Variants in FAIM2 observed in about 807,000 individuals in gnomAD.
FAIM2 encodes the protein Fas apoptotic inhibitory molecule 2.
FAIM2 carries 27 observed loss-of-function variants against 47.4 expected under a neutral mutation model. That is an observed-to-expected ratio of 0.57 (90% CI 0.42 to 0.78). FAIM2 has a LOEUF of 0.78. Ranked by LOEUF, FAIM2 falls within the 30% of genes least tolerant of loss-of-function variation. The probability of loss-of-function intolerance (pLI) is 0.00; values close to 1 mark genes in which losing one functional copy is unlikely to be tolerated. For synonymous variants in FAIM2, 156 were observed against 159.3 expected, an observed-to-expected ratio of 0.98 and a Z score of 0.16; for missense variants, 311 against 389.4, an observed-to-expected ratio of 0.80 and a Z score of 1.69.
chr12:49,879,707 T>A (rs954690524), intron 11 of FAIM2, among the ~76,000 whole-genome samples: 7 of 145,510 alleles, frequency 4.8e-5, no homozygotes, highest in African/African-American at 1.5e-4. Context: ...TGCATGTGTG[T>A]GTGTGTGTAT....
chr12:49,890,032 G>C, intron 8 of FAIM2, 85 bp downstream of exon 8: 4 of 1,370,646 alleles, frequency 2.9e-6, no homozygotes, highest in Non-Finnish European at 4.2e-6. Flanking sequence ...TCCCATGTGT[G>C]TGGGGCAGCT....
intron 4 of FAIM2, 29 bp from the exon 5 acceptor site, chr12:49,897,113 G>A (rs905656876): frequency 6.4e-7 from 1 of 1,572,434 alleles, no homozygotes; most frequent in Non-Finnish European, 8.8e-7. Flanking sequence ...GGGAGAGAGA[G>A]TCAGAATGTA....
chr12:49,875,894 T>G (rs1946733277), intron 11 of FAIM2, among the ~76,000 whole-genome samples: 1 of 152,130 alleles, frequency 6.6e-6, no homozygotes, highest in Admixed American at 6.5e-5. Flanking sequence ...GAGAATCGCT[T>G]GAACCCGGGA....
intron 11 of FAIM2, among the ~76,000 whole-genome samples, chr12:49,879,242 ATGTGTGTGCATGTG>A (rs1946778339): frequency 8.0e-6 from 1 of 124,390 alleles, no homozygotes; most frequent in Non-Finnish European, 1.6e-5. Context: ...GTATGCATGC[ATGTGTGTGCATGTG>A]TGTATGTGTG....
chr12:49,890,559 G>T (rs1273618003), intron 7 of FAIM2, 124 bp downstream of exon 7: 15 of 879,402 alleles, frequency 1.7e-5, no homozygotes, highest in Admixed American at 1.5e-4. Context: ...AAACACCCCT[G>T]CCCCGCCAGG....
intron 5 of FAIM2, among the ~76,000 whole-genome samples, chr12:49,891,477 T>G (rs1005309334): frequency 6.6e-6 from 1 of 152,226 alleles, no homozygotes; most frequent in African/African-American, 2.4e-5. Context: ...TATCAACGAA[T>G]GTAATCCTCA....
Position 49,903,822 on chromosome 12 carries a change from A to C in FAIM2, c.-30T>G, listed in dbSNP as rs1946997856. Reference sequence around the variant, plus strand: ...CCGTCTCTCGGGGAAGGGGTCCCTGAGGCCCGGGTGGCCGCTTGGGTAACC... The same window carrying C: ...CCGTCTCTCGGGGAAGGGGTCCCTGCGGCCCGGGTGGCCGCTTGGGTAACC... On this transcript the variant is annotated 5_prime_UTR_variant, in exon 1 of 12. Coordinates refer to ENST00000320634, the MANE Select transcript of FAIM2 (RefSeq NM_012306.4). The C allele has an allele frequency of 6.5e-7, 1 of 1,530,658 alleles. No individual in the cohort carries two copies. Among genetic ancestry groups the C allele is most frequent in the Non-Finnish European group, 8.8e-7 (1 of 1,137,152 alleles). The allele number at this position is 1,530,658 out of a possible 1,614,324, so 94.8% of individuals were successfully genotyped here.
chr12:49,881,982 C>T (rs1348941289), intron 11 of FAIM2, among the ~76,000 whole-genome samples: 4 of 152,220 alleles, frequency 2.6e-5, no homozygotes, highest in Admixed American at 1.3e-4. Context: ...GGAGAGAAAT[C>T]GGATTCTCGA....
intron 11 of FAIM2, among the ~76,000 whole-genome samples, chr12:49,882,847 C>T (rs1946835677): frequency 6.6e-6 from 1 of 152,190 alleles, no homozygotes; most frequent in Non-Finnish European, 1.5e-5. Flanking sequence ...CAGTGATGAA[C>T]AAGCCAGACT....
At chr12:49,882,412 T>C (rs190540195) in intron 11 of FAIM2, among the ~76,000 whole-genome samples, 41 of 152,192 alleles carry the variant, frequency 2.7e-4, no homozygotes, top group Admixed American at 4.6e-4. Flanking sequence ...AGGGCCTTCG[T>C]CTACCTGAAA....
chr12:49,891,624 T>G (rs389911), intron 5 of FAIM2, among the ~76,000 whole-genome samples: 1 of 152,064 alleles, frequency 6.6e-6, no homozygotes, highest in African/African-American at 2.4e-5. Context: ...TGCCCCACAC[T>G]GCCCCACACA....
At position 49,868,452 on chromosome 12, in the gene FAIM2, A is replaced by G. The variant is rs1032483609; in HGVS notation, c.*2052T>C. 1 of 152,226 alleles carries G rather than the reference A, an allele frequency of 6.6e-6. No homozygotes were observed. Among genetic ancestry groups the G allele is most frequent in the Non-Finnish European group, 1.5e-5 (1 of 68,058 alleles). The allele number at this position is 152,226 out of a possible 1,614,324, so 9.4% of individuals were successfully genotyped here. A position where few individuals can be genotyped will look rare whatever the true frequency, so the allele number is the denominator to read the frequency against. On this transcript the variant is annotated 3_prime_UTR_variant, in exon 12 of 12. Transcript: ENST00000320634. The stretch of plus-strand genomic sequence containing the variant: ...GCCTCCCAGCTCTTGTCTGGAAGAT[A>G]GAAACCTCAGAGTGCAAAATCTGGC...
At chr12:49,879,545 T>C (rs888774816) in intron 11 of FAIM2, among the ~76,000 whole-genome samples, 2 of 151,796 alleles carry the variant, frequency 1.3e-5, no homozygotes, top group African/African-American at 4.9e-5. Context: ...TATGTGAGTG[T>C]ATGGGTGTAT....
At position 49,868,864 on chromosome 12, in the gene FAIM2, T is replaced by C. The variant is rs1216853556; in HGVS notation, c.*1640A>G. On this transcript the variant is annotated 3_prime_UTR_variant, in exon 12 of 12. Coordinates refer to ENST00000320634, the MANE Select transcript of FAIM2 (RefSeq NM_012306.4). Reference sequence around the variant, plus strand: ...CACCACCCGCCAGTTCTTGGCTCCTTTTCTCTTCAAATATCCAAGATGGAA... The same window carrying C: ...CACCACCCGCCAGTTCTTGGCTCCTCTTCTCTTCAAATATCCAAGATGGAA... 6.6e-6 allele frequency: 1 copy of C among 152,320 alleles called. No individual in the cohort carries two copies. Among genetic ancestry groups the C allele is most frequent in the African/African-American group, 2.4e-5 (1 of 41,448 alleles). The allele number at this position is 152,320 out of a possible 1,614,324, so 9.4% of individuals were successfully genotyped here.
At position 49,878,629 on chromosome 12, in the gene FAIM2, T is replaced by TGTGTGCATATGTGTAC. The variant is rs1946766081; in HGVS notation, c.802-7977_802-7976insGTACACATATGCACAC. 2.2e-5 allele frequency among the ~76,000 whole-genome samples: 3 copies of TGTGTGCATATGTGTAC among 136,900 alleles called. 1 individual carries two copies. In the Admixed American group the frequency reaches 2.5e-4, roughly 11 times the overall value. The allele number at this position is 136,900 out of a possible 152,430, so 89.8% of individuals were successfully genotyped here. Reference sequence around the variant, plus strand: ...GCATGTGTATGTGTGCATATGTGTATGTATGTGCCCTTGTATATATGTGCG... The same window carrying TGTGTGCATATGTGTAC: ...GCATGTGTATGTGTGCATATGTGTATGTGTGCATATGTGTACGTATGTGCCCTTGTATATATGTGCG... On this transcript the variant is annotated intron_variant, in intron 11 of 11. Coordinates refer to ENST00000320634, the MANE Select transcript of FAIM2 (RefSeq NM_012306.4).
intron 11 of FAIM2, among the ~76,000 whole-genome samples, chr12:49,884,789 A>G (rs539923720): frequency 3.3e-5 from 5 of 152,322 alleles, no homozygotes; most frequent in African/African-American, 9.6e-5. Context: ...CCTGGCTAAC[A>G]CAGTGAAAGC....
chr12:49,897,051 TG>T lies in FAIM2; in HGVS notation c.413del (p.Pro138GlnfsTer16). 1 of 1,613,806 alleles carries T rather than the reference TG, an allele frequency of 6.2e-7. No homozygotes were observed. The highest frequency in any genetic ancestry group is 8.5e-7 in the Non-Finnish European group (1 of 1,179,690). On this transcript the variant is annotated frameshift_variant, in exon 5 of 12. Coordinates refer to ENST00000320634, the MANE Select transcript of FAIM2 (RefSeq NM_012306.4). LOFTEE classifies it high-confidence loss of function. ...DPVKDYVQANPGWYWASYAVF... is the reference protein window; with the variant it reads ...DPVKDYVQANXGWYWASYAVF... ...CTCACTAGGATGCCCAGTACCAGCC[TG>T]GGTTGGCCTGGACATAGTCCTTGAC...
chr12:49,872,105 A>G (rs1174649918), intron 11 of FAIM2, among the ~76,000 whole-genome samples: 4 of 152,244 alleles, frequency 2.6e-5, no homozygotes, highest in African/African-American at 9.6e-5. Context: ...CAGCTGCATG[A>G]CAGGGACTTG....
chr12:49,903,835 C>A lies in FAIM2; in HGVS notation c.-43G>T, dbSNP rs1324648344. 1.3e-6 allele frequency: 2 copies of A among 1,518,354 alleles called. No homozygotes were observed. Among genetic ancestry groups the A allele is most frequent in the Admixed American group, 4.2e-5 (2 of 47,322 alleles). 94.1% of individuals were successfully genotyped at this position (1,518,354 alleles called of 1,614,324 possible). A position where few individuals can be genotyped will look rare whatever the true frequency, so the allele number is the denominator to read the frequency against. On this transcript the variant is annotated 5_prime_UTR_variant, in exon 1 of 12. Transcript: ENST00000320634. ...AAGGGGTCCCTGAGGCCCGGGTGGC[C>A]GCTTGGGTAACCGCAGCCTGCCTGC... is the stretch of plus-strand genomic sequence containing the variant.
Sources: allele counts gnomAD v4.1 joint callset (sites outside exome capture counted in the v4.1 genomes callset), GRCh38; gene constraint gnomAD v4.1.1; transcripts MANE v1.5; gene names NCBI Gene and HGNC (gene_info 2026-07-23, HGNC 2026-07-21).